METTL15: variants seen among roughly 807,000 people sequenced by gnomAD.
METTL15 encodes methyltransferase 15, mitochondrial 12S rRNA N4-cytidine, also known as 12S rRNA N(4)-cytidine methyltransferase METTL15.
A neutral mutation model predicts 38.3 loss-of-function variants in METTL15; 34 were observed. That is an observed-to-expected ratio of 0.89 (90% confidence interval 0.68 to 1.18). METTL15 has a LOEUF of 1.18. METTL15 is among the 50% of genes most tolerant of loss of function. The pLI is 0.00. For synonymous variants in METTL15, 162 were observed against 170.9 expected (o/e 0.95, Z 0.41); for missense variants, 438 against 498.4 (o/e 0.88, Z 1.15).
In METTL15 at chr11:28,211,051, G is replaced by T; in HGVS notation, c.271-11G>T. 1.3e-6 allele frequency: 2 copies of T among 1,596,112 alleles called. No homozygotes were observed. The highest frequency in any genetic ancestry group is 1.1e-5 in the South Asian group (1 of 87,438). On this transcript the variant is annotated splice_polypyrimidine_tract_variant and intron_variant, in intron 3 of 6. Coordinates refer to ENST00000407364, the MANE Select transcript of METTL15 (RefSeq NM_001113528.2). ...TGCTAAGTTGTAATTTTCTTTTTCT[G>T]TGTTTGCTAGATTTTTCTAGATATG...
At chr11:28,394,486 G>C (rs1458102720) in intron 5 of METTL15, among the ~76,000 whole-genome samples, 2 of 151,956 alleles carry the variant, frequency 1.3e-5, no homozygotes, top group Admixed American at 6.6e-5. Flanking sequence ...CACAAGGAGG[G>C]GGGTGGAAGT....
At chr11:28,262,857 T>C (rs990374967) in intron 4 of METTL15, among the ~76,000 whole-genome samples, 5 of 152,130 alleles carry the variant, frequency 3.3e-5, no homozygotes, top group African/African-American at 1.2e-4. Context: ...GTCATCCAAA[T>C]GTCCAGGTCT....
At chr11:28,531,119 G>T (rs1223417767), downstream of METTL15, among the ~76,000 whole-genome samples, 1 of 151,816 alleles carries the variant, frequency 6.6e-6, no homozygotes, top group African/African-American at 2.4e-5. Flanking sequence ...AAGCAGAAAA[G>T]GATTATCTGA....
intron 6 of METTL15, among the ~76,000 whole-genome samples, chr11:28,511,788 G>A (rs182202880): frequency 2.1e-4 from 32 of 152,274 alleles, no homozygotes; most frequent in Middle Eastern, 3.4e-3. Flanking sequence ...TGCAAAGAGC[G>A]AAAGAACAAA....
At chr11:28,423,500 A>T (rs1850839006) in intron 5 of METTL15, among the ~76,000 whole-genome samples, 1 of 152,136 alleles carries the variant, frequency 6.6e-6, no homozygotes, top group African/African-American at 2.4e-5. Context: ...GTATATTTAC[A>T]CAATGGAGTA....
intron 6 of METTL15, among the ~76,000 whole-genome samples, chr11:28,491,474 G>T (rs1371807198): frequency 6.6e-6 from 1 of 152,086 alleles, no homozygotes; most frequent in African/African-American, 2.4e-5. Context: ...GGTCTAGGCA[G>T]AGCCAATAGC....
chr11:28,296,856 A>G lies in METTL15; in HGVS notation c.703A>G (p.Ile235Val). The G allele has an allele frequency of 1.9e-6, 3 of 1,613,568 alleles. No homozygotes were observed. Among genetic ancestry groups the G allele is most frequent in the Non-Finnish European group, 2.5e-6 (3 of 1,179,706 alleles). The change falls in exon 6 of 7, where the codon ATC (isoleucine) becomes GTC (valine). Residue 235 changes from isoleucine (I) to valine (V), a missense_variant. Ile to Val is a conservative substitution (Grantham distance 29). Coordinates refer to ENST00000407364, the MANE Select transcript of METTL15 (RefSeq NM_001113528.2). Reference sequence around the variant, plus strand: ...CGGGGAGGAGAAGCATGCCAAGAAAATCGCTTCAGCAATTGTTCAGGCACG... The same window carrying G: ...CGGGGAGGAGAAGCATGCCAAGAAAGTCGCTTCAGCAATTGTTCAGGCACG... ...TYGEEKHAKK[I>V]ASAIVQARSI...
chr11:28,475,103 G>A (rs1564941606), intron 6 of METTL15, among the ~76,000 whole-genome samples: 1 of 152,134 alleles, frequency 6.6e-6, no homozygotes, highest in Non-Finnish European at 1.5e-5. Flanking sequence ...TACTCACCTG[G>A]GCAAGAGTTG....
chr11:28,476,154 G>A (rs564749902), intron 6 of METTL15, among the ~76,000 whole-genome samples: 11 of 152,152 alleles, frequency 7.2e-5, no homozygotes, highest in Admixed American at 3.9e-4. Flanking sequence ...TGCTTTCTAG[G>A]AAAAATATTC....
At chr11:28,259,191 G>A (rs1311620979) in intron 4 of METTL15, among the ~76,000 whole-genome samples, 3 of 152,078 alleles carry the variant, frequency 2.0e-5, no homozygotes, top group Non-Finnish European at 4.4e-5. Flanking sequence ...TAGAGCCTGG[G>A]AGGGTGGCCT....
At chr11:28,240,540 G>T (rs1854248425) in intron 4 of METTL15, among the ~76,000 whole-genome samples, 1 of 152,134 alleles carries the variant, frequency 6.6e-6, no homozygotes, top group Non-Finnish European at 1.5e-5. Flanking sequence ...TTCTATACCA[G>T]TTTTTGAGGT....
intron 3 of METTL15, among the ~76,000 whole-genome samples, chr11:28,147,442 GAC>G (rs1051078789): frequency 1.9e-4 from 29 of 151,820 alleles, no homozygotes; most frequent in African/African-American, 6.7e-4. Flanking sequence ...TTGAAATTGA[GAC>G]ACATTTTATA....
intron 5 of METTL15, among the ~76,000 whole-genome samples, chr11:28,385,082 A>G (rs1005120729): frequency 6.6e-6 from 1 of 152,102 alleles, no homozygotes; most frequent in African/African-American, 2.4e-5. Context: ...ATTTTCTTCC[A>G]TTATGTAGGT....
At chr11:28,340,158 ATTT>A (rs1431451118) in intron 3 of METTL15, among the ~76,000 whole-genome samples, 1 of 152,098 alleles carries the variant, frequency 6.6e-6, no homozygotes, top group Non-Finnish European at 1.5e-5. Context: ...TGTTGGAATC[ATTT>A]TTAAATCATT....
intron 6 of METTL15, among the ~76,000 whole-genome samples, chr11:28,509,223 C>G (rs1210126351): frequency 6.6e-6 from 1 of 152,116 alleles, no homozygotes; most frequent in Non-Finnish European, 1.5e-5. Flanking sequence ...GAGAATAAAT[C>G]CCTTGGAGCT....
At chr11:28,299,149 T>C (rs533697253) in intron 6 of METTL15, among the ~76,000 whole-genome samples, 72 of 152,242 alleles carry the variant, frequency 4.7e-4, no homozygotes, top group African/African-American at 1.5e-3. Flanking sequence ...AAAATATACA[T>C]ATATTTGTAT....
intron 3 of METTL15, chr11:28,145,086 A>C (rs111847249): frequency 0.011 from 1,707 of 158,360 alleles, 13 homozygotes; most frequent in Middle Eastern, 0.043. Context: ...TAGGAGTTGG[A>C]GGAGTTAGCT....
At chr11:28,430,814 C>A (rs1379128388) in intron 6 of METTL15, among the ~76,000 whole-genome samples, 1 of 93,084 alleles carries the variant, frequency 1.1e-5, no homozygotes, top group Non-Finnish European at 2.4e-5. Flanking sequence ...AGTGAGGAGC[C>A]CCTCTGCCCG....
At chr11:28,161,229 T>C (rs1398280658) in intron 3 of METTL15, among the ~76,000 whole-genome samples, 1 of 151,538 alleles carries the variant, frequency 6.6e-6, no homozygotes, top group Non-Finnish European at 1.5e-5. Context: ...TTCAGGTGAT[T>C]CTCCTTACTC....
Sources: gnomAD v4.1 joint callset for allele counts (sites outside exome capture counted in the v4.1 genomes callset) on GRCh38, gnomAD v4.1.1 for gene constraint, MANE v1.5 for transcripts, NCBI Gene and HGNC (gene_info 2026-07-23, HGNC 2026-07-21) for gene names.